STYX: variants seen among roughly 807,000 people sequenced by gnomAD.
STYX encodes serine/threonine/tyrosine-interacting protein.
A neutral mutation model predicts 42.7 loss-of-function variants in STYX; 20 were observed. The observed-to-expected ratio is 0.47, with a 90% confidence interval of 0.33 to 0.68. The LOEUF (loss-of-function observed/expected upper bound fraction) is 0.68, where lower values mean the gene tolerates loss of function less well. Ranked by LOEUF, STYX falls within the 30% of genes least tolerant of loss-of-function variation. The pLI is 0.02. For missense variants in STYX, 226 were observed against 268.5 expected (o/e 0.84, Z 1.11); for synonymous variants, 78 against 81.9 (o/e 0.95, Z 0.26).
intron 1 of STYX, among the ~76,000 whole-genome samples, chr14:52,737,132 C>G (rs150843493): frequency 1.2e-3 from 183 of 152,248 alleles, no homozygotes; most frequent in Non-Finnish European, 2.0e-3. Context: ...GGATTCAGCA[C>G]TATCCTCAAA....
Position 52,759,736 on chromosome 14 carries a change from A to C in STYX, c.486A>C (p.Gly162=). The change falls in exon 9 of 11, where the codon GGA becomes GGC. Residue 162 remains glycine (G), a synonymous_variant. Transcript: ENST00000354586. The part of the protein sequence containing the change: ...ERRFCINPNA[G]FVHQLQEYEA... ...GATTTTGTATTAATCCTAATGCTGG[A>C]TTTGTCCATCAACTTCAGGTAACTT... The C allele has an allele frequency of 6.2e-7, 1 of 1,610,984 alleles. No homozygotes were observed. Among genetic ancestry groups the C allele is most frequent in the Admixed American group, 1.7e-5 (1 of 59,668 alleles).
chr14:52,750,651 C>T, intron 3 of STYX, 32 bp from the exon 4 acceptor site: 1 of 1,337,230 alleles, frequency 7.5e-7, no homozygotes. Context: ...ATTTATCTTC[C>T]CTGTCCTCCC....
At chr14:52,735,386 G>A (rs1880909441) in intron 1 of STYX, among the ~76,000 whole-genome samples, 1 of 152,178 alleles carries the variant, frequency 6.6e-6, no homozygotes, top group Non-Finnish European at 1.5e-5. Flanking sequence ...CAGATACAAT[G>A]AGGGGCCCCA....
At chr14:52,752,870 T>G (rs942857511) in intron 4 of STYX, among the ~76,000 whole-genome samples, 16 of 137,718 alleles carry the variant, frequency 1.2e-4, no homozygotes, top group African/African-American at 2.1e-4. Context: ...TTTGTTTTTT[T>G]TTGTTGTTGT....
chr14:52,752,885 T>TTG lies in STYX; in HGVS notation c.242+2106_242+2107insGT, dbSNP rs1566675177. Among the ~76,000 whole-genome samples, 191 of 143,234 alleles carry TTG rather than the reference T, an allele frequency of 1.3e-3. 1 individual carries two copies. The highest frequency in any genetic ancestry group is 4.9e-3 in the African/African-American group (187 of 38,464). The allele number at this position is 143,234 out of a possible 152,430, so 94.0% of individuals were successfully genotyped here. A position where few individuals can be genotyped will look rare whatever the true frequency, so the allele number is the denominator to read the frequency against. On this transcript the variant is annotated intron_variant, in intron 4 of 10. Coordinates refer to ENST00000354586, the MANE Select transcript of STYX (RefSeq NM_145251.4). ...TTTGTTTTTTTTTGTTGTTGTTGTT[T>TTG]TTTTTTTTTTTTTGAGATGGAGTCT... is the stretch of plus-strand genomic sequence containing the variant.
At chr14:52,763,676 G>A (rs527499988) in intron 9 of STYX, among the ~76,000 whole-genome samples, 1 of 151,886 alleles carries the variant, frequency 6.6e-6, no homozygotes, top group African/African-American at 2.4e-5. Flanking sequence ...TTATTACATT[G>A]TAATCACAGA....
chr14:52,734,054 T>C (rs916654681), intron 1 of STYX, among the ~76,000 whole-genome samples: 2 of 152,178 alleles, frequency 1.3e-5, no homozygotes, highest in African/African-American at 4.8e-5. Flanking sequence ...ATCAGTCCGC[T>C]TGGTTGTGGA....
In STYX at chr14:52,756,565, A is replaced by G; in HGVS notation, c.257A>G (p.Asp86Gly). ...TCTATTTTCAGATATTTAGTCCTGG[A>G]TATTGCAGATAATCCAGTTGAAAAT... The part of the protein sequence containing the change: ...FQQLFRYLVL[D>G]IADNPVENII... Residue 86 changes from aspartate (D) to glycine (G), a missense_variant, in exon 5 of 11, where the codon GAT becomes GGT. By Grantham distance (94) the Asp-to-Gly change is moderately conservative. Coordinates refer to ENST00000354586, the MANE Select transcript of STYX (RefSeq NM_145251.4). 6.5e-7 allele frequency: 1 copy of G among 1,527,550 alleles called. No individual in the cohort carries two copies. Among genetic ancestry groups the G allele is most frequent in the South Asian group, 1.2e-5 (1 of 82,084 alleles). 94.6% of individuals were successfully genotyped at this position (1,527,550 alleles called of 1,614,324 possible). A position where few individuals can be genotyped will look rare whatever the true frequency, so the allele number is the denominator to read the frequency against.
chr14:52,771,075 C>A lies in STYX; in HGVS notation c.641C>A (p.Thr214Asn), dbSNP rs1433068710. 6.2e-7 allele frequency: 1 copy of A among 1,612,614 alleles called. No individual in the cohort carries two copies. ...CATGAAGAAGAGGATGATTTTGGAA[C>A]CATGCAAGTGGCGACTGCACAGAAT... ...RTHEEEDDFGTMQVATAQNG is the reference protein window; with the variant it reads ...RTHEEEDDFGNMQVATAQNG Residue 214 changes from threonine (T) to asparagine (N), a missense_variant, in exon 11 of 11, where the codon ACC becomes AAC. Coordinates refer to ENST00000354586, the MANE Select transcript of STYX (RefSeq NM_145251.4).
At chr14:52,769,396 C>T (rs1882430506) in intron 10 of STYX, among the ~76,000 whole-genome samples, 1 of 152,118 alleles carries the variant, frequency 6.6e-6, no homozygotes, top group Non-Finnish European at 1.5e-5. Flanking sequence ...ACCTTTGTTT[C>T]TCTCCCAACA....
chr14:52,756,340 A>G (rs1881865722), intron 4 of STYX, among the ~76,000 whole-genome samples: 1 of 152,078 alleles, frequency 6.6e-6, no homozygotes, highest in Admixed American at 6.5e-5. Flanking sequence ...TGGATTTTTT[A>G]AATACTTAAA....
chr14:52,745,832 C>T (rs1179102507), intron 2 of STYX, among the ~76,000 whole-genome samples: 1 of 152,090 alleles, frequency 6.6e-6, no homozygotes, highest in Non-Finnish European at 1.5e-5. Context: ...ACCTATGAGG[C>T]ATTTTACTTG....
At position 52,757,728 on chromosome 14, in the gene STYX, A is replaced by G. The variant is rs752455460; in HGVS notation, c.341-15A>G. ...AGGTGTTTTTCTATTAGAATAATGA[A>G]TTCATGTTTTTCAGGAAAAGTTCTT... On this transcript the variant is annotated splice_polypyrimidine_tract_variant and intron_variant, in intron 6 of 10. Transcript: ENST00000354586. 5 of 1,613,196 alleles carry G rather than the reference A, an allele frequency of 3.1e-6. No individual in the cohort carries two copies. The South Asian group carries it at 5.5e-5, about 18-fold the overall frequency.
intron 9 of STYX, among the ~76,000 whole-genome samples, chr14:52,766,430 A>G (rs1594883247): frequency 6.6e-6 from 1 of 152,028 alleles, no homozygotes; most frequent in Non-Finnish European, 1.5e-5. Context: ...CGGCCTCCCA[A>G]AGTGCTGGGA....
intron 1 of STYX, among the ~76,000 whole-genome samples, chr14:52,743,534 T>C (rs1332775381): frequency 6.6e-6 from 1 of 151,916 alleles, no homozygotes; most frequent in Non-Finnish European, 1.5e-5. Flanking sequence ...TGAGCCGAGA[T>C]CGCGCCACTG....
In STYX at chr14:52,768,953, T is replaced by TG; in HGVS notation, c.598+22dup. The TG allele has an allele frequency of 1.3e-6, 2 of 1,535,896 alleles. No individual in the cohort carries two copies. Among genetic ancestry groups the TG allele is most frequent in the Non-Finnish European group, 1.8e-6 (2 of 1,136,960 alleles). On this transcript the variant is annotated intron_variant, in intron 10 of 10. Transcript: ENST00000354586. Reference sequence around the variant, plus strand: ...CCACAGGTAAGGATTTTTTTCTTTTTGGAGAAATTTGGGAAGAAAGATAAT... The same window carrying TG: ...CCACAGGTAAGGATTTTTTTCTTTTTGGGAGAAATTTGGGAAGAAAGATAAT...
intron 3 of STYX, among the ~76,000 whole-genome samples, chr14:52,748,316 AC>A (rs1353973386): frequency 6.6e-6 from 1 of 152,044 alleles, no homozygotes; most frequent in East Asian, 1.9e-4. Context: ...GTAACCTCAA[AC>A]TCCTGGGCTC....
rs1882018475 is a variant in STYX, at chr14:52,759,731, G to T, written c.481G>T (p.Ala161Ser). 3 of 1,611,106 alleles carry T rather than the reference G, an allele frequency of 1.9e-6. No individual in the cohort carries two copies. The highest frequency in any genetic ancestry group is 8.5e-7 in the Non-Finnish European group (1 of 1,178,546). Residue 161 changes from alanine to serine, a missense_variant, in exon 9 of 11, where the codon GCT becomes TCT. By Grantham distance (99) the Ala-to-Ser change is moderately conservative (BLOSUM62 1). Transcript: ENST00000354586. ...AAGAAGATTTTGTATTAATCCTAATGCTGGATTTGTCCATCAACTTCAGGT... is the reference window on the plus strand; with the variant it reads ...AAGAAGATTTTGTATTAATCCTAATTCTGGATTTGTCCATCAACTTCAGGT... ...QERRFCINPN[A>S]GFVHQLQEYE...
At chr14:52,750,970 A>T (rs964619884) in intron 4 of STYX, among the ~76,000 whole-genome samples, 190 bp downstream of exon 4, 2 of 152,104 alleles carry the variant, frequency 1.3e-5, no homozygotes, top group African/African-American at 4.8e-5. Flanking sequence ...GGTTCAAAAG[A>T]GTGTATATTG....
Sources: allele counts gnomAD v4.1 joint callset (sites outside exome capture counted in the v4.1 genomes callset), GRCh38; gene constraint gnomAD v4.1.1; transcripts MANE v1.5; gene names NCBI Gene and HGNC (gene_info 2026-07-23, HGNC 2026-07-21).